The following COL12A1 variants were observed in gnomAD, a reference collection of about 807,000 sequenced individuals.
The protein encoded by COL12A1 is collagen alpha-1(XII) chain.
A neutral mutation model predicts 349.7 loss-of-function variants in COL12A1; 114 were observed. The observed-to-expected ratio is 0.33, with a 90% CI of 0.28 to 0.38. The LOEUF (loss-of-function observed/expected upper bound fraction) is 0.38. Among genes scored for constraint, COL12A1 ranks in the 10% least tolerant of loss-of-function variants. The pLI is 1.00. For synonymous variants in COL12A1, 1,369 were observed against 1,329.0 expected, an observed-to-expected ratio of 1.03 and a Z score of -0.66; for missense variants, 3,284 against 3,756.9, an observed-to-expected ratio of 0.87 and a Z score of 3.29.
intron 8 of COL12A1, among the ~76,000 whole-genome samples, chr6:75,186,946 G>A (rs188088646): frequency 2.6e-5 from 4 of 151,766 alleles, no homozygotes; most frequent in African/African-American, 9.7e-5. Context: ...AGAGGGAAAC[G>A]ACACACACAC....
intron 37 of COL12A1, among the ~76,000 whole-genome samples, chr6:75,128,768 G>T (rs1297076696): frequency 2.0e-5 from 3 of 152,154 alleles, no homozygotes; most frequent in African/African-American, 7.2e-5. Context: ...GTTTCCTTCA[G>T]ATCTCATCAT....
intron 34 of COL12A1, among the ~76,000 whole-genome samples, chr6:75,132,373 T>C (rs957565361): frequency 6.6e-6 from 1 of 152,056 alleles, no homozygotes; most frequent in Non-Finnish European, 1.5e-5. Flanking sequence ...AGAAAAGAAA[T>C]AGGAAAAGTA....
intron 51 of COL12A1, 73 bp from the exon 52 acceptor site, chr6:75,109,240 C>T (rs2295253): frequency 0.022 from 24,627 of 1,106,798 alleles, 761 homozygotes; most frequent in East Asian, 0.16. Flanking sequence ...TAGTTTAGAT[C>T]AGATTTTTTT....
intron 15 of COL12A1, 83 bp downstream of exon 15, chr6:75,156,174 T>C (rs1318742885): frequency 1.4e-6 from 2 of 1,481,384 alleles, no homozygotes; most frequent in East Asian, 2.3e-5. Context: ...GTTTTAAACA[T>C]TTACAAATGA....
rs915422353 is a variant in COL12A1, at chr6:75,134,575, A to G, written c.5524+151T>C. Reference sequence around the variant, plus strand: ...AATAGAGCAAGACTCCATCTCAAAAAAAAAGAAAAGAAAAAACTATTAATA... The same window carrying G: ...AATAGAGCAAGACTCCATCTCAAAAGAAAAGAAAAGAAAAAACTATTAATA... On this transcript the variant is annotated intron_variant, in intron 32 of 65. Transcript: ENST00000322507. 5 of 723,530 alleles carry G rather than the reference A, an allele frequency of 6.9e-6. No individual in the cohort carries two copies. In the Admixed American group the frequency reaches 2.1e-4, roughly 31 times the overall value. 44.8% of individuals were successfully genotyped at this position (723,530 alleles called of 1,614,324 possible). A position where few individuals can be genotyped will look rare whatever the true frequency, so the allele number is the denominator to read the frequency against.
chr6:75,105,391 A>G lies in COL12A1; in HGVS notation c.8179-99T>C, dbSNP rs948673911. 2.1e-5 allele frequency: 16 copies of G among 763,118 alleles called. No individual in the cohort carries two copies. The Admixed American group carries it at 3.8e-4, about 18-fold the overall frequency. The allele number at this position is 763,118 out of a possible 1,614,324, so 47.3% of individuals were successfully genotyped here. A position where few individuals can be genotyped will look rare whatever the true frequency, so the allele number is the denominator to read the frequency against. Reference sequence around the variant, plus strand: ...CATGCACAAGGAAGTCTGTTTCCCAACTTAAAGAAATAATTTTAATTATCA... The same window carrying G: ...CATGCACAAGGAAGTCTGTTTCCCAGCTTAAAGAAATAATTTTAATTATCA... On this transcript the variant is annotated intron_variant, in intron 53 of 65. Coordinates refer to ENST00000322507, the MANE Select transcript of COL12A1 (RefSeq NM_004370.6).
intron 1 of COL12A1, among the ~76,000 whole-genome samples, chr6:75,203,165 T>C (rs1007876302): frequency 1.3e-5 from 2 of 150,084 alleles, no homozygotes; most frequent in African/African-American, 4.9e-5. Flanking sequence ...TATCCCTCAC[T>C]CAACTAAATA....
intron 11 of COL12A1, 113 bp from the exon 12 acceptor site, chr6:75,178,048 A>T: frequency 1.8e-5 from 18 of 1,006,780 alleles, no homozygotes; most frequent in Non-Finnish European, 2.4e-5. Context: ...AAAGAAATCC[A>T]TGAGCAATTT....
rs770276573 is a variant in COL12A1 at position 75,148,419 on chromosome 6, G to A, written c.4226C>T (p.Ser1409Phe). Residue 1409 changes from serine (S) to phenylalanine (F), a missense_variant, in exon 22 of 66, where the codon TCT becomes TTT. Transcript: ENST00000322507. ...CACCTTATATCGATCCACACTGTCA[G>A]AAGGTGGTGTCCAGCTCACTCTAAA... The part of the protein sequence containing the change: ...RSFRVSWTPP[S>F]DSVDRYKVEY... 3 of 1,613,454 alleles carry A rather than the reference G, an allele frequency of 1.9e-6. No individual in the cohort carries two copies. Among genetic ancestry groups the A allele is most frequent in the South Asian group, 1.1e-5 (1 of 91,064 alleles).
rs190144918 is a variant in COL12A1, at chr6:75,166,817, T to C, written c.2711-1038A>G. 1.7e-3 allele frequency among the ~76,000 whole-genome samples: 266 copies of C among 152,238 alleles called. 1 individual carries two copies. The highest frequency in any genetic ancestry group is 6.8e-3 in the South Asian group (33 of 4,830). On this transcript the variant is annotated intron_variant, in intron 13 of 65. Transcript: ENST00000322507. ...AAACGCAGTCATAATTTAACAATTA[T>C]ATTTCAACACAAAAAGTAAAGGTAA...
intron 38 of COL12A1, 144 bp downstream of exon 38, chr6:75,128,152 G>A: frequency 1.5e-6 from 1 of 673,418 alleles, no homozygotes; most frequent in Non-Finnish European, 2.2e-6. Context: ...AAAATTTAAT[G>A]TCTAATAAAA....
At chr6:75,087,816 C>T (rs1394102404) in intron 64 of COL12A1, 69 bp from the exon 65 acceptor site, 1 of 1,471,128 alleles carries the variant, frequency 6.8e-7, no homozygotes, top group Non-Finnish European at 9.3e-7. Flanking sequence ...GCCACCAATA[C>T]TTTAAGTGGC....
At chr6:75,199,335 T>C (rs1392879227) in intron 2 of COL12A1, among the ~76,000 whole-genome samples, 2 of 152,198 alleles carry the variant, frequency 1.3e-5, no homozygotes, top group Non-Finnish European at 2.9e-5. Context: ...TGTTAGCCTC[T>C]AGTTTGAAAT....
chr6:75,126,030 G>A (rs1765996145), intron 39 of COL12A1, among the ~76,000 whole-genome samples: 1 of 152,048 alleles, frequency 6.6e-6, no homozygotes, highest in African/African-American at 2.4e-5. Context: ...AAATACATAG[G>A]TATATTGATG....
At chr6:75,096,256 C>A (rs1246597712) in intron 59 of COL12A1, among the ~76,000 whole-genome samples, 3 of 152,154 alleles carry the variant, frequency 2.0e-5, no homozygotes, top group African/African-American at 7.2e-5. Context: ...AAATGTTAAT[C>A]TCTATAGTAA....
chr6:75,147,215 C>T (rs564470090), intron 23 of COL12A1, among the ~76,000 whole-genome samples: 16 of 152,226 alleles, frequency 1.1e-4, no homozygotes, highest in Admixed American at 3.9e-4. Context: ...TATCTCTGTA[C>T]GCTCTTCTTC....
At position 75,109,011 on chromosome 6, in the gene COL12A1, T is replaced by C. The variant is rs1367391270; in HGVS notation, c.8100+7A>G. ...GGTACCAAGAGAAATAAAAATGTGT[T>C]ACTCACTGCGGCTGATTTCCTTTCC... On this transcript the variant is annotated splice_region_variant and intron_variant, in intron 52 of 65. Transcript: ENST00000322507. The C allele has an allele frequency of 6.2e-7, 1 of 1,608,364 alleles. No individual in the cohort carries two copies. The highest frequency in any genetic ancestry group is 1.7e-5 in the Admixed American group (1 of 58,658).
rs758326526 is a variant in COL12A1 at position 75,145,353 on chromosome 6, C to T, written c.4663G>A (p.Glu1555Lys). ...GTGACTTCCCGAACAGTGACAGGTTCACTAGTGAGGTCGTGCAGGACAGCC... is the reference window on the plus strand; with the variant it reads ...GTGACTTCCCGAACAGTGACAGGTTTACTAGTGAGGTCGTGCAGGACAGCC... Reference protein sequence around the residue: ...VQAVLHDLTSEPVTVREVTLP... With the variant: ...VQAVLHDLTSKPVTVREVTLP... The change falls in exon 25 of 66, where the codon GAA becomes AAA. Residue 1555 changes from glutamate (E) to lysine (K), a missense_variant. Glu to Lys is a moderately conservative substitution (Grantham distance 56). Transcript: ENST00000322507. 9 of 1,612,670 alleles carry T rather than the reference C, an allele frequency of 5.6e-6. No homozygotes were observed. The highest frequency in any genetic ancestry group is 7.6e-6 in the Non-Finnish European group (9 of 1,179,084).
At chr6:75,164,295 C>G (rs898799832) in intron 14 of COL12A1, among the ~76,000 whole-genome samples, 2 of 152,116 alleles carry the variant, frequency 1.3e-5, no homozygotes, top group African/African-American at 4.8e-5. Context: ...AACTTAGACA[C>G]AAAGATTTTA....
Sources: gnomAD v4.1 joint callset for allele counts (sites outside exome capture counted in the v4.1 genomes callset) on GRCh38, gnomAD v4.1.1 for gene constraint, MANE v1.5 for transcripts, NCBI Gene and HGNC (gene_info 2026-07-23, HGNC 2026-07-21) for gene names.